RAB2A: variants seen among roughly 807,000 people sequenced by gnomAD.
RAB2A encodes ras-related protein Rab-2A.
In RAB2A, 7 loss-of-function variants were observed where a neutral mutation model predicts 32.5. The observed-to-expected ratio is 0.22, with a 90% CI of 0.12 to 0.40. RAB2A has a LOEUF of 0.40. Ranked by LOEUF, RAB2A falls within the 10% of genes least tolerant of loss-of-function variation. The pLI is 1.00. For synonymous variants in RAB2A, 79 were observed against 85.2 expected, an observed-to-expected ratio of 0.93 and a Z score of 0.40; for missense variants, 108 against 260.7, an observed-to-expected ratio of 0.41 and a Z score of 4.03.
intron 2 of RAB2A, chr8:60,559,133 T>G: frequency 4.4e-6 from 2 of 458,464 alleles, no homozygotes; most frequent in Non-Finnish European, 7.8e-6. Flanking sequence ...AAGCTACTGC[T>G]GAAAGACAGT....
chr8:60,583,141 C>T (rs1233176250), intron 3 of RAB2A, among the ~76,000 whole-genome samples: 2 of 152,008 alleles, frequency 1.3e-5, no homozygotes, highest in Non-Finnish European at 2.9e-5. Context: ...GCCGTCCATG[C>T]GCATTCTGAG....
At chr8:60,605,826 C>CT (rs1804218846) in intron 6 of RAB2A, among the ~76,000 whole-genome samples, 1 of 90,548 alleles carries the variant, frequency 1.1e-5, no homozygotes, top group African/African-American at 1.0e-4. Context: ...GCAAAAGGGA[C>CT]TAATACATAT....
intron 3 of RAB2A, among the ~76,000 whole-genome samples, chr8:60,572,542 T>C (rs1163389326): frequency 6.6e-6 from 1 of 152,214 alleles, no homozygotes; most frequent in East Asian, 1.9e-4. Flanking sequence ...AATTCTGTCA[T>C]ACCCTTGTTC....
chr8:60,547,696 C>T (rs554737214), intron 1 of RAB2A, among the ~76,000 whole-genome samples: 1,847 of 100,138 alleles, frequency 0.018, 22 homozygotes, highest in South Asian at 0.061. Flanking sequence ...GCTGGCCGGG[C>T]GGGGGGGCTG....
At chr8:60,616,172 T>C (rs1405080938) in intron 6 of RAB2A, among the ~76,000 whole-genome samples, 1 of 152,198 alleles carries the variant, frequency 6.6e-6, no homozygotes, top group Admixed American at 6.5e-5. Flanking sequence ...TAATAAAGTA[T>C]TCAGTACTAT....
chr8:60,587,052 G>A (rs931636737), intron 5 of RAB2A, among the ~76,000 whole-genome samples: 3 of 152,116 alleles, frequency 2.0e-5, no homozygotes, highest in South Asian at 4.2e-4. Flanking sequence ...CAAAGGCCAC[G>A]GAATAGCCAA....
chr8:60,553,662 A>G (rs1807890280), intron 1 of RAB2A, among the ~76,000 whole-genome samples: 3 of 152,192 alleles, frequency 2.0e-5, no homozygotes, highest in Non-Finnish European at 4.4e-5. Context: ...TTTTATAGAT[A>G]AGGATTCTAA....
chr8:60,526,017 G>GCGCATA (rs879271913), intron 1 of RAB2A, among the ~76,000 whole-genome samples: 2 of 74,250 alleles, frequency 2.7e-5, no homozygotes, highest in African/African-American at 1.2e-4. Flanking sequence ...ATGTGTGTGT[G>GCGCATA]TACATATATA....
chr8:60,594,684 C>A lies in RAB2A; in HGVS notation c.474+2715C>A, dbSNP rs537701682. Among the ~76,000 whole-genome samples the A allele has an allele frequency of 2.0e-5, 3 of 152,242 alleles. 1 individual carries two copies. Among genetic ancestry groups the A allele is most frequent in the South Asian group, 4.2e-4 (2 of 4,816 alleles). On this transcript the variant is annotated intron_variant, in intron 6 of 7. Coordinates refer to ENST00000262646, the MANE Select transcript of RAB2A (RefSeq NM_002865.3). Reference sequence around the variant, plus strand: ...TGTGTGATGTTCCCTGCCCTGTGTCCAAGTGTTCTCATTGTTCAGTTCCCA... The same window carrying A: ...TGTGTGATGTTCCCTGCCCTGTGTCAAAGTGTTCTCATTGTTCAGTTCCCA...
chr8:60,526,053 A>ATATATATATG (rs1807381847), intron 1 of RAB2A, among the ~76,000 whole-genome samples: 1 of 117,998 alleles, frequency 8.5e-6, no homozygotes, highest in African/African-American at 3.4e-5. Flanking sequence ...ATATATATAT[A>ATATATATATG]TATAAGTTTT....
chr8:60,616,472 A>G (rs1167488692), intron 6 of RAB2A, among the ~76,000 whole-genome samples: 3 of 152,246 alleles, frequency 2.0e-5, no homozygotes, highest in African/African-American at 7.2e-5. Flanking sequence ...AATATTAGGT[A>G]GCTTGATTTC....
At chr8:60,526,579 T>G (rs1357585336) in intron 1 of RAB2A, among the ~76,000 whole-genome samples, 1 of 152,174 alleles carries the variant, frequency 6.6e-6, no homozygotes, top group Non-Finnish European at 1.5e-5. Context: ...GGGTAAAATA[T>G]TCACAGGTTC....
chr8:60,576,629 C>T (rs182509160), intron 3 of RAB2A, among the ~76,000 whole-genome samples: 1 of 152,226 alleles, frequency 6.6e-6, no homozygotes, highest in African/African-American at 2.4e-5. Context: ...CTTTGAAAAA[C>T]ATGTTACTTT....
chr8:60,529,036 G>A (rs546467846), intron 1 of RAB2A, among the ~76,000 whole-genome samples: 114 of 152,262 alleles, frequency 7.5e-4, no homozygotes, highest in African/African-American at 2.7e-3. Context: ...TGGCTACTCT[G>A]AAGTTTTTGT....
At position 60,623,022 on chromosome 8, in the gene RAB2A, A is replaced by G. The variant is rs186973869; in HGVS notation, c.*2253A>G. The G allele has an allele frequency of 1.1e-4, 17 of 152,350 alleles. No individual in the cohort carries two copies. The East Asian group carries it at 3.3e-3, about 29-fold the overall frequency. The allele number at this position is 152,350 out of a possible 1,614,324, so 9.4% of individuals were successfully genotyped here. A position where few individuals can be genotyped will look rare whatever the true frequency, so the allele number is the denominator to read the frequency against. On this transcript the variant is annotated 3_prime_UTR_variant, in exon 8 of 8. Coordinates refer to ENST00000262646, the MANE Select transcript of RAB2A (RefSeq NM_002865.3). ...TTGAATTTTTAGTTGATCTTCGATC[A>G]GTTTTTATAGCATCTATGGACATAG...
chr8:60,592,421 G>A (rs1005111897), intron 6 of RAB2A, among the ~76,000 whole-genome samples: 3 of 152,086 alleles, frequency 2.0e-5, no homozygotes, highest in African/African-American at 7.2e-5. Context: ...GTGTTGCATG[G>A]GAGGGAAACA....
At position 60,532,989 on chromosome 8, in the gene RAB2A, C is replaced by T. The variant is rs538669226; in HGVS notation, c.46+15736C>T. On this transcript the variant is annotated intron_variant, in intron 1 of 7. Transcript: ENST00000262646. ...AATATGTAATTTGGATTTTAACTGA[C>T]AGAATCCAAAATGACCTTGGTAGGC... Among the ~76,000 whole-genome samples the T allele has an allele frequency of 3.9e-5, 6 of 152,324 alleles. No individual in the cohort carries two copies. In the East Asian group the frequency reaches 1.2e-3, roughly 29 times the overall value.
chr8:60,562,532 T>G (rs1037736578), intron 2 of RAB2A, among the ~76,000 whole-genome samples: 7 of 152,228 alleles, frequency 4.6e-5, no homozygotes, highest in Non-Finnish European at 7.3e-5. Flanking sequence ...AACTATTTTT[T>G]TAAATTGAAA....
chr8:60,546,598 CTT>C (rs1406248539), intron 1 of RAB2A, among the ~76,000 whole-genome samples: 1 of 152,116 alleles, frequency 6.6e-6, no homozygotes, highest in Non-Finnish European at 1.5e-5. Flanking sequence ...GGATTTTTGT[CTT>C]TGTTTGTTTA....
Sources: gnomAD v4.1 joint callset for allele counts (sites outside exome capture counted in the v4.1 genomes callset) on GRCh38, gnomAD v4.1.1 for gene constraint, MANE v1.5 for transcripts, NCBI Gene and HGNC (gene_info 2026-07-23, HGNC 2026-07-21) for gene names.